Variants in BFSP2 observed in about 807,000 individuals in gnomAD.
BFSP2 encodes the protein phakinin.
Under a neutral mutation model 44.9 loss-of-function variants are expected in BFSP2, and 38 were observed. The observed-to-expected ratio is 0.85, with a 90% CI of 0.65 to 1.11. BFSP2 has a LOEUF of 1.11. Among genes scored for constraint, BFSP2 ranks in the 50% least tolerant of loss-of-function variants. The pLI is 0.00. For synonymous variants in BFSP2, 197 were observed against 209.9 expected, an observed-to-expected ratio of 0.94 and a Z score of 0.53; for missense variants, 525 against 533.0, an observed-to-expected ratio of 0.99 and a Z score of 0.15.
At chr3:133,409,498 T>C (rs2073431012) in intron 1 of BFSP2, among the ~76,000 whole-genome samples, 1 of 152,134 alleles carries the variant, frequency 6.6e-6, no homozygotes, top group Non-Finnish European at 1.5e-5. Flanking sequence ...TTAGCGACAA[T>C]GAACATTTTT....
At chr3:133,437,941 G>T (rs1315294442) in intron 1 of BFSP2, among the ~76,000 whole-genome samples, 8 of 152,230 alleles carry the variant, frequency 5.3e-5, no homozygotes, top group Admixed American at 5.2e-4. Flanking sequence ...TTTCACAGAA[G>T]CATCAGCAGA....
chr3:133,449,524 GTTTGTTTGTTTTA>G (rs1447155890), intron 3 of BFSP2, among the ~76,000 whole-genome samples: 1 of 151,410 alleles, frequency 6.6e-6, no homozygotes, highest in East Asian at 1.9e-4. Context: ...TTGTTTGTTT[GTTTGTTTGTTTTA>G]TTTTGATTTC....
At chr3:133,431,073 T>C (rs1191472898) in intron 1 of BFSP2, among the ~76,000 whole-genome samples, 8 of 101,466 alleles carry the variant, frequency 7.9e-5, no homozygotes, top group Non-Finnish European at 1.8e-4. Context: ...CCCAGCCCAG[T>C]TCATGGTTCG....
intron 4 of BFSP2, among the ~76,000 whole-genome samples, chr3:133,452,563 G>T (rs561065842): frequency 6.6e-6 from 1 of 152,308 alleles, no homozygotes; most frequent in South Asian, 2.1e-4. Flanking sequence ...ACAGATAACA[G>T]ATAATTAATG....
At chr3:133,416,768 C>T (rs1207790353) in intron 1 of BFSP2, among the ~76,000 whole-genome samples, 2 of 142,874 alleles carry the variant, frequency 1.4e-5, no homozygotes, top group Admixed American at 1.4e-4. Flanking sequence ...TTTACTTGCC[C>T]CTACACTCTC....
chr3:133,430,904 C>T (rs546852348), intron 1 of BFSP2, among the ~76,000 whole-genome samples: 5 of 152,244 alleles, frequency 3.3e-5, no homozygotes, highest in Admixed American at 6.5e-5. Flanking sequence ...ACACCTGGTC[C>T]GGCTTATGGT....
intron 4 of BFSP2, among the ~76,000 whole-genome samples, chr3:133,461,062 G>C (rs573016515): frequency 6.6e-6 from 1 of 152,124 alleles, no homozygotes; most frequent in Non-Finnish European, 1.5e-5. Context: ...CTGAACACTC[G>C]CCTTCCCCTC....
At position 133,472,624 on chromosome 3, in the gene BFSP2, A is replaced by G. The variant is rs1195002476; in HGVS notation, c.1244+59A>G. The G allele has an allele frequency of 2.6e-6, 4 of 1,547,656 alleles. No individual in the cohort carries two copies. In the African/African-American group the frequency reaches 5.5e-5, roughly 21 times the overall value. On this transcript the variant is annotated intron_variant, in intron 6 of 6. Coordinates refer to ENST00000302334, the MANE Select transcript of BFSP2 (RefSeq NM_003571.4). ...ATGCATATTCATGGCTTTAAAAATA[A>G]TTATTTTCCAAACACTGTAGAAGTA... is the stretch of plus-strand genomic sequence containing the variant.
intron 6 of BFSP2, among the ~76,000 whole-genome samples, chr3:133,474,468 A>G (rs6789729): frequency 0.018 from 2,672 of 152,310 alleles, 87 homozygotes; most frequent in African/African-American, 0.062. Flanking sequence ...CTGCTTTCAA[A>G]TGGAAAATAT....
In BFSP2 at chr3:133,448,621, C is replaced by T. The variant is rs1203791081; in HGVS notation, c.705C>T (p.Gly235=). 5.0e-6 allele frequency: 8 copies of T among 1,613,748 alleles called. No homozygotes were observed. Among genetic ancestry groups the T allele is most frequent in the Admixed American group, 1.7e-5 (1 of 59,970 alleles). Residue 235 remains glycine (G), a synonymous_variant, in exon 3 of 7, where the codon GGC becomes GGT. Coordinates refer to ENST00000302334, the MANE Select transcript of BFSP2 (RefSeq NM_003571.4). ...TAGAAAGTCTGAAAGAAGAACTTGG[C>T]TCTCTATCAAGAAACTATGAAGAGG... ...SQIESLKEEL[G]SLSRNYEEDV...
chr3:133,474,004 A>G (rs933134869), intron 6 of BFSP2, among the ~76,000 whole-genome samples: 25 of 152,168 alleles, frequency 1.6e-4, no homozygotes, highest in Non-Finnish European at 2.6e-4. Flanking sequence ...TAGCTTTTCC[A>G]GACTCCATAG....
chr3:133,461,809 C>A (rs2074066260), intron 4 of BFSP2, among the ~76,000 whole-genome samples: 1 of 152,180 alleles, frequency 6.6e-6, no homozygotes, highest in Non-Finnish European at 1.5e-5. Flanking sequence ...TTTGCTCTTT[C>A]AATCTTAAAC....
intron 4 of BFSP2, among the ~76,000 whole-genome samples, chr3:133,462,598 T>C (rs2074074267): frequency 6.6e-6 from 1 of 152,224 alleles, no homozygotes; most frequent in East Asian, 1.9e-4. Context: ...AATATATGTA[T>C]ATGTATATAT....
Position 133,466,872 on chromosome 3 carries a change from G to T in BFSP2, c.936G>T (p.Lys312Asn). The change falls in exon 5 of 7, where the codon AAG becomes AAT. Residue 312 changes from lysine (K) to asparagine (N), a missense_variant. Lys to Asn is a moderately conservative substitution (Grantham distance 94). Coordinates refer to ENST00000302334, the MANE Select transcript of BFSP2 (RefSeq NM_003571.4). ...VAHMSQTQEEKLAAALRVELH... is the reference protein window; with the variant it reads ...VAHMSQTQEENLAAALRVELH... ...ACATGTCCCAGACCCAGGAGGAGAA[G>T]CTGGCAGCTGCCCTCAGGGTGGAGT... 1 of 1,613,924 alleles carries T rather than the reference G, an allele frequency of 6.2e-7. No individual in the cohort carries two copies. Among genetic ancestry groups the T allele is most frequent in the Non-Finnish European group, 8.5e-7 (1 of 1,179,986 alleles).
At chr3:133,469,833 A>G (rs539932406) in intron 5 of BFSP2, among the ~76,000 whole-genome samples, 2 of 152,362 alleles carry the variant, frequency 1.3e-5, no homozygotes, top group African/African-American at 4.8e-5. Context: ...TGGGGTTCCA[A>G]TGAATGCCCT....
At chr3:133,439,921 A>G (rs2107914893) in intron 1 of BFSP2, among the ~76,000 whole-genome samples, 1 of 149,098 alleles carries the variant, frequency 6.7e-6, no homozygotes, top group South Asian at 2.1e-4. Context: ...TAGAAAGCAG[A>G]GACAGACAGA....
chr3:133,461,327 T>G (rs2074059702), intron 4 of BFSP2, among the ~76,000 whole-genome samples: 1 of 152,210 alleles, frequency 6.6e-6, no homozygotes, highest in Non-Finnish European at 1.5e-5. Context: ...TTTTTGAAAT[T>G]TGAAAATCTT....
At chr3:133,466,649 T>C (rs1429448858) in intron 4 of BFSP2, among the ~76,000 whole-genome samples, 179 bp from the exon 5 acceptor site, 4 of 114,234 alleles carry the variant, frequency 3.5e-5, no homozygotes, top group Non-Finnish European at 6.5e-5. Flanking sequence ...CACTCCAGCC[T>C]GGGCTACAGA....
intron 4 of BFSP2, among the ~76,000 whole-genome samples, chr3:133,452,839 A>G (rs1004798488): frequency 2.0e-4 from 30 of 152,204 alleles, no homozygotes; most frequent in African/African-American, 7.2e-4. Flanking sequence ...ACACTGTGGT[A>G]ACTGTTTCTT....
Sources: gnomAD v4.1 joint callset for allele counts (sites outside exome capture counted in the v4.1 genomes callset) on GRCh38, gnomAD v4.1.1 for gene constraint, MANE v1.5 for transcripts, NCBI Gene and HGNC (gene_info 2026-07-23, HGNC 2026-07-21) for gene names.